The following SHTN1 variants were observed in gnomAD, a reference collection of about 807,000 sequenced individuals.
SHTN1 encodes the protein shootin 1.
In SHTN1, 42 loss-of-function variants were observed where a neutral mutation model predicts 83.1. The ratio of observed to expected loss-of-function variants is 0.51; its 90% CI spans 0.39 to 0.65. The LOEUF (loss-of-function observed/expected upper bound fraction) is 0.65, where lower values mean the gene tolerates loss of function less well. Ranked by LOEUF, SHTN1 falls within the 30% of genes least tolerant of loss-of-function variation. The pLI is 0.00. For missense variants in SHTN1, 622 were observed against 737.8 expected, an observed-to-expected ratio of 0.84 and a Z score of 1.82; for synonymous variants, 224 against 247.7, an observed-to-expected ratio of 0.90 and a Z score of 0.90.
chr10:117,095,652 G>A (rs1284704255), intron 1 of SHTN1, among the ~76,000 whole-genome samples: 3 of 152,048 alleles, frequency 2.0e-5, no homozygotes, highest in Non-Finnish European at 2.9e-5. Context: ...ATATATAACA[G>A]GACAGAAAAT....
intron 2 of SHTN1, among the ~76,000 whole-genome samples, chr10:117,041,562 G>A (rs1852585070): frequency 2.0e-5 from 3 of 152,116 alleles, no homozygotes; most frequent in Admixed American, 2.0e-4. Context: ...CATATACACA[G>A]GCTTATAGTT....
chr10:116,998,580 T>C (rs940536425), intron 1 of SHTN1, among the ~76,000 whole-genome samples: 84 of 152,302 alleles, frequency 5.5e-4, no homozygotes, highest in African/African-American at 1.9e-3. Flanking sequence ...TTGGAATATA[T>C]AGGGTTTGTT....
chr10:117,061,248 G>C (rs1477430208), intron 1 of SHTN1, among the ~76,000 whole-genome samples: 1 of 150,514 alleles, frequency 6.6e-6, no homozygotes, highest in Non-Finnish European at 1.5e-5. Flanking sequence ...CTGGGTTCAA[G>C]CAATTCTCCT....
chr10:116,892,305 C>G (rs960688296), intron 16 of SHTN1, among the ~76,000 whole-genome samples: 1 of 152,156 alleles, frequency 6.6e-6, no homozygotes, highest in Non-Finnish European at 1.5e-5. Context: ...TTCAGGAAAC[C>G]GGACTATTCT....
intron 8 of SHTN1, 139 bp downstream of exon 8, chr10:116,944,785 G>T (rs1564889781): frequency 3.1e-6 from 2 of 636,446 alleles, no homozygotes; most frequent in South Asian, 1.8e-5. Context: ...CAGCTACTCG[G>T]GGGGCTGAGG....
At chr10:116,975,091 G>A (rs540360082) in intron 2 of SHTN1, among the ~76,000 whole-genome samples, 4 of 151,964 alleles carry the variant, frequency 2.6e-5, no homozygotes, top group Non-Finnish European at 4.4e-5. Context: ...TAGAAAATGG[G>A]CAAAAAATAA....
chr10:116,927,561 A>G (rs542645903), intron 11 of SHTN1, among the ~76,000 whole-genome samples: 7 of 152,320 alleles, frequency 4.6e-5, no homozygotes, highest in Admixed American at 4.6e-4. Context: ...TAGCATGGAA[A>G]GACCCACCCT....
chr10:117,056,728 T>C (rs952114188), intron 1 of SHTN1, among the ~76,000 whole-genome samples: 64 of 152,224 alleles, frequency 4.2e-4, no homozygotes, highest in African/African-American at 1.5e-3. Context: ...GGAGAATCAC[T>C]TGAACCCAGG....
Position 116,884,192 on chromosome 10 carries a change from C to T in SHTN1, c.*2152G>A, listed in dbSNP as rs915870558. On this transcript the variant is annotated 3_prime_UTR_variant, in exon 17 of 17. Coordinates refer to ENST00000355371, the MANE Select transcript of SHTN1 (RefSeq NM_001127211.3). ...GTTTTGTGTGTGCAATAGCTATGAA[C>T]ATACCTTGCAGATATAAGCACGGTT... The T allele has an allele frequency of 5.3e-5, 24 of 456,602 alleles. No homozygotes were observed. Among genetic ancestry groups the T allele is most frequent in the African/African-American group, 4.6e-4 (23 of 50,082 alleles). 28.3% of individuals were successfully genotyped at this position (456,602 alleles called of 1,614,324 possible). A position where few individuals can be genotyped will look rare whatever the true frequency, so the allele number is the denominator to read the frequency against.
chr10:116,899,125 A>G (rs1847628389), intron 16 of SHTN1, among the ~76,000 whole-genome samples: 1 of 152,206 alleles, frequency 6.6e-6, no homozygotes, highest in Non-Finnish European at 1.5e-5. Context: ...CATGTGTGTA[A>G]GACACACCAG....
At chr10:116,949,193 T>C (rs3981230) in intron 6 of SHTN1, among the ~76,000 whole-genome samples, 196 bp from the exon 7 acceptor site, 3,880 of 152,276 alleles carry the variant, frequency 0.025, 139 homozygotes, top group East Asian at 0.11. Context: ...AGTTAGGATG[T>C]ATACCTGGTA....
chr10:117,123,385 A>G (rs536821894), intron 1 of SHTN1, among the ~76,000 whole-genome samples: 1 of 152,242 alleles, frequency 6.6e-6, no homozygotes, highest in Non-Finnish European at 1.5e-5. Context: ...CAACTTTGAG[A>G]GCCATTTGAT....
chr10:117,038,662 A>G (rs1330993685), intron 2 of SHTN1, among the ~76,000 whole-genome samples: 2 of 152,232 alleles, frequency 1.3e-5, no homozygotes, highest in African/African-American at 4.8e-5. Flanking sequence ...CAACTCAGTG[A>G]ATAAATGGGA....
At chr10:116,953,920 C>T (rs1443564322) in intron 5 of SHTN1, 122 bp downstream of exon 5, 13 of 813,842 alleles carry the variant, frequency 1.6e-5, no homozygotes, top group African/African-American at 1.1e-4. Flanking sequence ...TGAGCCACCA[C>T]GCCCTGCCTA....
chr10:116,895,585 G>A (rs1168327297), intron 16 of SHTN1, among the ~76,000 whole-genome samples: 1 of 152,154 alleles, frequency 6.6e-6, no homozygotes, highest in Non-Finnish European at 1.5e-5. Flanking sequence ...TGAGTATGCA[G>A]GGTCTAAGGA....
At chr10:116,933,928 G>A (rs1165233085) in intron 9 of SHTN1, among the ~76,000 whole-genome samples, 1 of 152,134 alleles carries the variant, frequency 6.6e-6, no homozygotes, top group African/African-American at 2.4e-5. Context: ...GTGATGATGA[G>A]CTTTTTTTCA....
At chr10:117,068,200 T>G (rs370913504) in intron 1 of SHTN1, among the ~76,000 whole-genome samples, 2 of 152,156 alleles carry the variant, frequency 1.3e-5, no homozygotes, top group Admixed American at 1.3e-4. Flanking sequence ...GAGACCAGCC[T>G]GGCCATCATA....
At chr10:117,098,430 T>G (rs1853539771) in intron 1 of SHTN1, among the ~76,000 whole-genome samples, 1 of 149,938 alleles carries the variant, frequency 6.7e-6, no homozygotes, top group Non-Finnish European at 1.5e-5. Context: ...GTTCCTGAAA[T>G]TTGAAATGAG....
chr10:116,930,946 T>C (rs1436576870), intron 9 of SHTN1, among the ~76,000 whole-genome samples: 1 of 152,172 alleles, frequency 6.6e-6, no homozygotes, highest in East Asian at 1.9e-4. Flanking sequence ...TGGTATCTCA[T>C]TGTGGTTTTG....
Sources: allele counts gnomAD v4.1 joint callset (sites outside exome capture counted in the v4.1 genomes callset), GRCh38; gene constraint gnomAD v4.1.1; transcripts MANE v1.5; gene names NCBI Gene and HGNC (gene_info 2026-07-23, HGNC 2026-07-21).